Variants in ZNF701 observed in about 807,000 individuals in gnomAD.
The protein encoded by ZNF701 is zinc finger protein 701.
A neutral mutation model predicts 7.1 loss-of-function variants in ZNF701; 6 were observed. The ratio of observed to expected loss-of-function variants is 0.84; its 90% CI spans 0.46 to 1.66. ZNF701 has a LOEUF of 1.66. Ranked by LOEUF, ZNF701 falls within the 40% of genes most tolerant of loss-of-function variation. The probability of loss-of-function intolerance (pLI) is 0.01; values close to 1 mark genes in which losing one functional copy is unlikely to be tolerated. For synonymous variants in ZNF701, 166 were observed against 188.2 expected (o/e 0.88, Z 0.97); for missense variants, 541 against 559.2 (o/e 0.97, Z 0.33).
chr19:52,576,455 C>A (rs77381776), intron 3 of ZNF701, among the ~76,000 whole-genome samples: 1 of 151,918 alleles, frequency 6.6e-6, no homozygotes, highest in South Asian at 2.1e-4. Flanking sequence ...GAAAGAGAAT[C>A]GCTTGATCCC....
the ZNF701 span, among the ~76,000 whole-genome samples, chr19:52,593,526 G>A: frequency 3.6e-4 from 41 of 114,264 alleles, 13 homozygotes; most frequent in Non-Finnish European, 7.0e-4. Context: ...GTGGCTGGCC[G>A]GGCGGGGGGC....
At chr19:52,580,450 C>A (rs888024935) in intron 3 of ZNF701, among the ~76,000 whole-genome samples, 5 of 152,038 alleles carry the variant, frequency 3.3e-5, no homozygotes, top group Non-Finnish European at 5.9e-5. Flanking sequence ...TGGTGTCGAA[C>A]TTCTGACCTC....
intron 1 of ZNF701, chr19:52,572,345 G>C (rs757241958): frequency 7.8e-7 from 1 of 1,287,174 alleles, no homozygotes; most frequent in Non-Finnish European, 1.0e-6. Context: ...GTGAGCCACC[G>C]CACTCAGCCT....
intron 3 of ZNF701, among the ~76,000 whole-genome samples, chr19:52,577,645 C>T (rs142513169): frequency 0.016 from 2,436 of 152,108 alleles, 71 homozygotes; most frequent in African/African-American, 0.054. Flanking sequence ...GCATAAGGGC[C>T]GCTTGAGGGG....
chr19:52,580,383 C>T (rs2059967831), intron 3 of ZNF701, among the ~76,000 whole-genome samples: 3 of 152,158 alleles, frequency 2.0e-5, no homozygotes, highest in South Asian at 4.2e-4. Context: ...CACCACCGTG[C>T]CCAGCTAATG....
At chr19:52,595,298 A>T in the ZNF701 span, among the ~76,000 whole-genome samples, 4 of 147,718 alleles carry the variant, frequency 2.7e-5, no homozygotes, top group Non-Finnish European at 4.5e-5. Context: ...GAGATGGATT[A>T]TTGCTCTGTC....
Position 52,572,385 on chromosome 19 carries a change from T to C in ZNF701, c.-71-1692T>C, listed in dbSNP as rs528830900. Reference sequence around the variant, plus strand: ...GTTTTGAAGGTAACTAGCTGTGTCTTTGTACATCTGCATTTTATAAATGTT... The same window carrying C: ...GTTTTGAAGGTAACTAGCTGTGTCTCTGTACATCTGCATTTTATAAATGTT... On this transcript the variant is annotated intron_variant, in intron 1 of 3. Coordinates refer to ENST00000391785, the MANE Select transcript of ZNF701 (RefSeq NM_018260.3). 2.4e-5 allele frequency: 31 copies of C among 1,288,764 alleles called. No individual in the cohort carries two copies. In the African/African-American group the frequency reaches 4.7e-4, roughly 20 times the overall value. The allele number at this position is 1,288,764 out of a possible 1,614,324, so 79.8% of individuals were successfully genotyped here. A position where few individuals can be genotyped will look rare whatever the true frequency, so the allele number is the denominator to read the frequency against.
At chr19:52,571,728 T>TTTTG (rs149099911) in intron 1 of ZNF701, among the ~76,000 whole-genome samples, 25,057 of 151,896 alleles carry the variant, frequency 0.16, 2,434 homozygotes, top group Non-Finnish European at 0.21. Flanking sequence ...TTTCCCTGCT[T>TTTTG]TTTGTTTGTT....
At chr19:52,573,526 C>G (rs1041928773) in intron 1 of ZNF701, among the ~76,000 whole-genome samples, 1 of 152,216 alleles carries the variant, frequency 6.6e-6, no homozygotes, top group African/African-American at 2.4e-5. Flanking sequence ...CATGAACCAC[C>G]GCACCCAGCC....
chr19:52,590,899 G>C (rs951635877), downstream of ZNF701, among the ~76,000 whole-genome samples: 1 of 152,154 alleles, frequency 6.6e-6, no homozygotes, highest in African/African-American at 2.4e-5. Flanking sequence ...AAGTGCAGTG[G>C]CGCCATCTAG....
chr19:52,582,996 C>T lies in ZNF701; in HGVS notation c.937C>T (p.Leu313Phe), dbSNP rs760658630. The change falls in exon 4 of 4, where the codon CTT becomes TTT. Residue 313 changes from leucine (L) to phenylalanine (F), a missense_variant. Transcript: ENST00000391785. ...CAAGGTTTTTAATCAACAATCAAAC[C>T]TTGCACGTCATCATAGAGTTCATAC... The part of the protein sequence containing the change: ...CGKVFNQQSN[L>F]ARHHRVHTGE... The T allele has an allele frequency of 4.3e-6, 7 of 1,613,922 alleles. No individual in the cohort carries two copies. In the South Asian group the frequency reaches 6.6e-5, roughly 15 times the overall value.
rs954586431 is a variant in ZNF701 at position 52,587,152 on chromosome 19, A to G, written c.*3695A>G. 1 of 152,254 alleles carries G rather than the reference A, an allele frequency of 6.6e-6. No individual in the cohort carries two copies. Among genetic ancestry groups the G allele is most frequent in the Non-Finnish European group, 1.5e-5 (1 of 68,048 alleles). The allele number at this position is 152,254 out of a possible 1,614,324, so 9.4% of individuals were successfully genotyped here. A position where few individuals can be genotyped will look rare whatever the true frequency, so the allele number is the denominator to read the frequency against. On this transcript the variant is annotated 3_prime_UTR_variant, in exon 4 of 4. Coordinates refer to ENST00000391785, the MANE Select transcript of ZNF701 (RefSeq NM_018260.3). ...TTGACACCATGTATTTTAAATATGG[A>G]AAATAAATTACATTATTTGTAAGTG... is the stretch of plus-strand genomic sequence containing the variant.
chr19:52,581,241 A>G (rs2059973459), intron 3 of ZNF701, among the ~76,000 whole-genome samples: 1 of 152,166 alleles, frequency 6.6e-6, no homozygotes, highest in Non-Finnish European at 1.5e-5. Context: ...TCTTTTTGAG[A>G]GGTAGTCTCA....
chr19:52,583,002 C>G lies in ZNF701; in HGVS notation c.943C>G (p.Arg315Gly). The stretch of plus-strand genomic sequence containing the variant: ...TTTTAATCAACAATCAAACCTTGCA[C>G]GTCATCATAGAGTTCATACTGGAGA... ...KVFNQQSNLA[R>G]HHRVHTGEKP... The change falls in exon 4 of 4, where the codon CGT becomes GGT. Residue 315 changes from arginine (R) to glycine (G), a missense_variant. Coordinates refer to ENST00000391785, the MANE Select transcript of ZNF701 (RefSeq NM_018260.3). 1 of 1,611,250 alleles carries G rather than the reference C, an allele frequency of 6.2e-7. No individual in the cohort carries two copies.
At chr19:52,571,775 T>C (rs2059901806) in intron 1 of ZNF701, among the ~76,000 whole-genome samples, 1 of 152,168 alleles carries the variant, frequency 6.6e-6, no homozygotes. Flanking sequence ...CTTTCGCTCT[T>C]GTTGCCCAGG....
downstream of ZNF701, chr19:52,588,482 C>G (rs539477957): frequency 5.0e-6 from 1 of 201,804 alleles, no homozygotes; most frequent in African/African-American, 2.7e-5. Context: ...TAGACACCAT[C>G]TCAAAAAAAA....
the ZNF701 span, chr19:52,595,793 A>C: frequency 6.2e-7 from 1 of 1,602,734 alleles, no homozygotes; most frequent in Non-Finnish European, 8.5e-7. Context: ...AATTTAAAGA[A>C]ATGGCCATGA....
the ZNF701 span, among the ~76,000 whole-genome samples, chr19:52,593,309 A>G: frequency 4.5e-4 from 53 of 117,870 alleles, 17 homozygotes; most frequent in East Asian, 8.8e-4. Flanking sequence ...CCTCCCAGAC[A>G]GGGTGGTGGC....
chr19:52,599,821 C>T, the ZNF701 span, among the ~76,000 whole-genome samples: 1 of 152,124 alleles, frequency 6.6e-6, no homozygotes, highest in African/African-American at 2.4e-5. Flanking sequence ...GGAGCCTCAC[C>T]AGAGAGGGCC....
Sources: allele counts gnomAD v4.1 joint callset (sites outside exome capture counted in the v4.1 genomes callset), GRCh38; gene constraint gnomAD v4.1.1; transcripts MANE v1.5; gene names NCBI Gene and HGNC (gene_info 2026-07-23, HGNC 2026-07-21).